The following ZNF782 variants were observed in gnomAD, a reference collection of about 807,000 sequenced individuals.
ZNF782 encodes the protein zinc finger protein 782.
A neutral mutation model predicts 13.0 loss-of-function variants in ZNF782; 12 were observed. The observed-to-expected ratio is 0.92, with a 90% CI of 0.59 to 1.50. The LOEUF (loss-of-function observed/expected upper bound fraction) is 1.50. Ranked by LOEUF, ZNF782 falls within the 40% of genes most tolerant of loss-of-function variation. ZNF782 has a pLI of 0.00. For missense variants in ZNF782, 770 were observed against 822.9 expected, an observed-to-expected ratio of 0.94 and a Z score of 0.79; for synonymous variants, 284 against 283.0, an observed-to-expected ratio of 1.00 and a Z score of -0.04.
At chr9:96,843,527 C>G (rs1304792718) in intron 4 of ZNF782, among the ~76,000 whole-genome samples, 1 of 152,130 alleles carries the variant, frequency 6.6e-6, no homozygotes, top group Non-Finnish European at 1.5e-5. Context: ...ATGTGAGAGA[C>G]AGCATGGGTG....
chr9:96,839,474 G>A (rs918839025), intron 4 of ZNF782, among the ~76,000 whole-genome samples: 1 of 151,826 alleles, frequency 6.6e-6, no homozygotes, highest in Non-Finnish European at 1.5e-5. Flanking sequence ...CTTAAAGGGA[G>A]GAACAGGAAG....
intron 4 of ZNF782, among the ~76,000 whole-genome samples, chr9:96,843,787 A>G (rs962306585): frequency 1.3e-5 from 2 of 152,230 alleles, no homozygotes; most frequent in African/African-American, 4.8e-5. Context: ...TCAATATAAA[A>G]AAGGTTTCTT....
intron 1 of ZNF782, among the ~76,000 whole-genome samples, chr9:96,871,012 G>A (rs765117638): frequency 6.6e-6 from 1 of 152,154 alleles, no homozygotes; most frequent in Non-Finnish European, 1.5e-5. Context: ...TTTTATTAGG[G>A]TCTGTGGTGT....
At chr9:96,875,721 C>A (rs1851885206), upstream of ZNF782, 34 of 401,632 alleles carry the variant, frequency 8.5e-5, no homozygotes, top group South Asian at 5.6e-4. Context: ...TTCCCGTTCT[C>A]ACCCTCTGAA....
chr9:96,876,296 A>C (rs984122910), upstream of ZNF782, among the ~76,000 whole-genome samples: 1 of 152,270 alleles, frequency 6.6e-6, no homozygotes, highest in African/African-American at 2.4e-5. Context: ...GAAGCATTTA[A>C]CATTGAAAGG....
chr9:96,909,867 A>G, the ZNF782 span, among the ~76,000 whole-genome samples: 1 of 151,622 alleles, frequency 6.6e-6, no homozygotes. Flanking sequence ...TATGTCTTAG[A>G]GGGAGAAAAC....
chr9:96,878,571 ATTTTC>A (rs948578480), upstream of ZNF782, among the ~76,000 whole-genome samples: 9 of 152,082 alleles, frequency 5.9e-5, no homozygotes, highest in African/African-American at 2.2e-4. Flanking sequence ...CTTCTTTACA[ATTTTC>A]TTTTAACATG....
At chr9:96,827,342 T>C (rs148518994) in intron 4 of ZNF782, among the ~76,000 whole-genome samples, 161 bp from the exon 5 acceptor site, 1 of 152,254 alleles carries the variant, frequency 6.6e-6, no homozygotes, top group East Asian at 1.9e-4. Flanking sequence ...TTCTTACTTT[T>C]TTTTTTAGAG....
intron 1 of ZNF782, among the ~76,000 whole-genome samples, chr9:96,873,696 T>TCA (rs911885949): frequency 2.6e-5 from 4 of 152,024 alleles, no homozygotes; most frequent in East Asian, 1.9e-4. Flanking sequence ...AGACCTTGTC[T>TCA]CACACACACA....
At chr9:96,892,418 G>A in the ZNF782 span, 2 of 152,192 alleles carry the variant, frequency 1.3e-5, no homozygotes, top group African/African-American at 2.4e-5. Context: ...TGGTAAATTG[G>A]AGCCAACAGT....
At chr9:96,866,132 G>A (rs1464689976) in intron 1 of ZNF782, among the ~76,000 whole-genome samples, 1 of 152,212 alleles carries the variant, frequency 6.6e-6, no homozygotes, top group East Asian at 1.9e-4. Flanking sequence ...GTAATGAGGA[G>A]CCAAATGTAA....
chr9:96,856,082 ATGGGAT>A (rs1851638241), upstream of ZNF782, among the ~76,000 whole-genome samples: 1 of 151,726 alleles, frequency 6.6e-6, no homozygotes, highest in South Asian at 2.1e-4. Context: ...CCACTTTTTG[ATGGGAT>A]TGTTTGTTTT....
chr9:96,891,497 G>GAATGTTACCATCACCCAGGT, the ZNF782 span: 1 of 151,704 alleles, frequency 6.6e-6, no homozygotes, highest in East Asian at 1.9e-4. Flanking sequence ...TCAAGATACA[G>GAATGTTACCATCACCCAGGT]AATGTTACCA....
At chr9:96,864,590 T>G (rs1441730119) in intron 1 of ZNF782, among the ~76,000 whole-genome samples, 1 of 152,166 alleles carries the variant, frequency 6.6e-6, no homozygotes, top group East Asian at 1.9e-4. Context: ...ACTTAGCCAG[T>G]GGATAAAACA....
chr9:96,854,935 A>C (rs550519250), upstream of ZNF782, among the ~76,000 whole-genome samples: 3 of 152,280 alleles, frequency 2.0e-5, no homozygotes, highest in African/African-American at 7.2e-5. Context: ...AAAAGGGATC[A>C]CTACTGAAGT....
At chr9:96,912,552 G>A in the ZNF782 span, among the ~76,000 whole-genome samples, 5 of 150,962 alleles carry the variant, frequency 3.3e-5, no homozygotes, top group African/African-American at 7.3e-5. Context: ...TTTTTGAGAT[G>A]GAGTCTCGCT....
rs187403470 is a variant in ZNF782 at position 96,850,044 on chromosome 9, T to A, written c.15+1903A>T. Among the ~76,000 whole-genome samples the A allele has an allele frequency of 3.0e-4, 46 of 152,326 alleles. No homozygotes were observed. The highest frequency in any genetic ancestry group is 1.1e-3 in the African/African-American group (46 of 41,570). On this transcript the variant is annotated intron_variant, in intron 3 of 5. Transcript: ENST00000481138. The surrounding 1 kb of genome is among the most constrained non-coding windows in gnomAD (Gnocchi z 4.3). The stretch of plus-strand genomic sequence containing the variant: ...CATGGATGTGAAGAAAAGGGAATGC[T>A]TATACGCTGCTGGTAGGAATGTAAA...
At chr9:96,882,596 C>G in the ZNF782 span, among the ~76,000 whole-genome samples, 3 of 152,094 alleles carry the variant, frequency 2.0e-5, no homozygotes, top group South Asian at 2.1e-4. Context: ...ATTTTAATCT[C>G]TAATCACTGT....
the ZNF782 span, among the ~76,000 whole-genome samples, chr9:96,900,510 C>A: frequency 7.9e-5 from 12 of 152,060 alleles, no homozygotes; most frequent in African/African-American, 2.7e-4. Context: ...AAGGCCGAGG[C>A]GGGGGGATCA....
Sources: allele counts gnomAD v4.1 joint callset (sites outside exome capture counted in the v4.1 genomes callset), GRCh38; gene constraint gnomAD v4.1.1; non-coding constraint Gnocchi (gnomAD v3.1); transcripts MANE v1.5; gene names NCBI Gene and HGNC (gene_info 2026-07-23, HGNC 2026-07-21).